USB1: variants seen among roughly 807,000 people sequenced by gnomAD.
USB1 encodes the protein U6 snRNA phosphodiesterase 1.
In USB1, 21 loss-of-function variants were observed where a neutral mutation model predicts 29.9. The observed-to-expected ratio is 0.70, with a 90% CI of 0.50 to 1.01. The LOEUF (loss-of-function observed/expected upper bound fraction) is 1.01. Among genes scored for constraint, USB1 ranks in the 50% least tolerant of loss-of-function variants. The probability of loss-of-function intolerance (pLI) is 0.00; values close to 1 mark genes in which losing one functional copy is unlikely to be tolerated. For synonymous variants in USB1, 143 were observed against 134.9 expected (o/e 1.06, Z -0.42); for missense variants, 330 against 347.1 (o/e 0.95, Z 0.39).
At position 58,020,633 on chromosome 16, in the gene USB1, TCTC is replaced by T; in HGVS notation, c.*392_*394del. 1 of 300,916 alleles carries T rather than the reference TCTC, an allele frequency of 3.3e-6. No individual in the cohort carries two copies. 18.6% of individuals were successfully genotyped at this position (300,916 alleles called of 1,614,324 possible). The stretch of plus-strand genomic sequence containing the variant: ...TCTCTCCTCCCCTCCTCTCTCTTCC[TCTC>T]CTCTCTCTCTTCCTCTCCTCTCTCT... On this transcript the variant is annotated 3_prime_UTR_variant, in exon 7 of 7. Transcript: ENST00000219281.
At chr16:58,011,078 T>C (rs867597492) in intron 3 of USB1, 1 of 902,974 alleles carries the variant, frequency 1.1e-6, no homozygotes, top group South Asian at 1.4e-5. Flanking sequence ...CCCAGGAAAT[T>C]CCAAAGGATT....
chr16:58,001,923 G>A (rs560437801), intron 1 of USB1, among the ~76,000 whole-genome samples: 5 of 152,288 alleles, frequency 3.3e-5, no homozygotes, highest in Admixed American at 1.3e-4. Flanking sequence ...TTGCTAAAGC[G>A]TAGGGAGAGC....
At position 58,021,380 on chromosome 16, in the gene USB1, T is replaced by G. The variant is rs1963735946; in HGVS notation, c.*1135T>G. 1.3e-5 allele frequency: 2 copies of G among 152,254 alleles called. No homozygotes were observed. The highest frequency in any genetic ancestry group is 2.9e-5 in the Non-Finnish European group (2 of 68,052). 9.4% of individuals were successfully genotyped at this position (152,254 alleles called of 1,614,324 possible). On this transcript the variant is annotated 3_prime_UTR_variant, in exon 7 of 7. Coordinates refer to ENST00000219281, the MANE Select transcript of USB1 (RefSeq NM_024598.4). Reference sequence around the variant, plus strand: ...CTTTCCCAGAGAGGCAGAGGGGCCTTCCACAGCCCGGGTTCTCCTGCTGCC... The same window carrying G: ...CTTTCCCAGAGAGGCAGAGGGGCCTGCCACAGCCCGGGTTCTCCTGCTGCC...
At chr16:58,019,992 A>G in intron 6 of USB1, 149 bp from the exon 7 acceptor site, 1 of 738,070 alleles carries the variant, frequency 1.4e-6, no homozygotes, top group Non-Finnish European at 2.4e-6. Context: ...TACAGAAGTG[A>G]TCAGACAAGA....
chr16:58,002,371 AC>A, intron 1 of USB1, 107 bp from the exon 2 acceptor site: 2 of 1,546,812 alleles, frequency 1.3e-6, no homozygotes, highest in Non-Finnish European at 1.8e-6. Flanking sequence ...GGCTGGAAAC[AC>A]ACACTCAGAG....
intron 3 of USB1, chr16:58,012,257 C>T: frequency 1.3e-6 from 2 of 1,534,228 alleles, no homozygotes; most frequent in Non-Finnish European, 1.7e-6. Flanking sequence ...CCAGCCCTCC[C>T]CCTCTTTGGA....
At chr16:58,017,467 T>C (rs746178212) in intron 5 of USB1, 28 bp downstream of exon 5, 19 of 1,585,806 alleles carry the variant, frequency 1.2e-5, no homozygotes, top group East Asian at 4.5e-5. Flanking sequence ...TGCTTCTCCA[T>C]TGACCCATTT....
intron 1 of USB1, 48 bp downstream of exon 1, chr16:58,001,629 A>G: frequency 6.4e-7 from 1 of 1,558,198 alleles, no homozygotes; most frequent in African/African-American, 1.4e-5. Flanking sequence ...TTCACCCTAG[A>G]GCCAGACGGG....
At chr16:58,004,719 T>A (rs1397409848) in intron 2 of USB1, among the ~76,000 whole-genome samples, 2 of 152,228 alleles carry the variant, frequency 1.3e-5, no homozygotes, top group East Asian at 3.8e-4. Flanking sequence ...CAATATTGAA[T>A]CTTTCTGTCT....
intron 2 of USB1, among the ~76,000 whole-genome samples, chr16:58,008,354 T>G (rs1963408400): frequency 6.6e-6 from 1 of 152,182 alleles, no homozygotes; most frequent in African/African-American, 2.4e-5. Flanking sequence ...TAATTTTAAT[T>G]ATTTCTTTAC....
chr16:58,017,994 T>C (rs1597055335), intron 5 of USB1, among the ~76,000 whole-genome samples: 1 of 152,174 alleles, frequency 6.6e-6, no homozygotes, highest in East Asian at 1.9e-4. Context: ...ATCTGAAAAG[T>C]ATGGTGTATA....
chr16:58,020,027 G>A lies in USB1; in HGVS notation c.694-114G>A, dbSNP rs12102539. 4,014 of 928,126 alleles carry A rather than the reference G, an allele frequency of 4.3e-3. 135 individuals carry two copies. The African/African-American group carries it at 0.057, about 13-fold the overall frequency. 57.5% of individuals were successfully genotyped at this position (928,126 alleles called of 1,614,324 possible). On this transcript the variant is annotated intron_variant, in intron 6 of 6. Transcript: ENST00000219281. ...ATCACCAATGCAGAGCCTGGAGCCT[G>A]CAGCCTCAGCCTCGCCCAGCCTCTG...
chr16:58,013,186 G>A lies in USB1; in HGVS notation c.450-1087G>A. ...CCTGGGCAGCCTGCCTCTGGAGTAG[G>A]GGTGGAGAGCCATCCTGCAACACGA... is the stretch of plus-strand genomic sequence containing the variant. On this transcript the variant is annotated intron_variant, in intron 3 of 6. Coordinates refer to ENST00000219281, the MANE Select transcript of USB1 (RefSeq NM_024598.4). This position sits in a 1 kb window ranked among gnomAD's most constrained non-coding sequence, Gnocchi z 4.3. 1 of 985,528 alleles carries A rather than the reference G, an allele frequency of 1.0e-6. No homozygotes were observed. Among genetic ancestry groups the A allele is most frequent in the Non-Finnish European group, 1.2e-6 (1 of 830,004 alleles). 61.0% of individuals were successfully genotyped at this position (985,528 alleles called of 1,614,324 possible). A position where few individuals can be genotyped will look rare whatever the true frequency, so the allele number is the denominator to read the frequency against.
rs1963535941 is a variant in USB1, at chr16:58,013,097, G to C, written c.450-1176G>C. On this transcript the variant is annotated intron_variant, in intron 3 of 6. Coordinates refer to ENST00000219281, the MANE Select transcript of USB1 (RefSeq NM_024598.4). The surrounding 1 kb of genome is among the most constrained non-coding windows in gnomAD (Gnocchi z 4.3). ...CTGGTTGAGCCTAAGGTGACCAAGA[G>C]TGGGCGGTGCACCCCTGATTCTGTT... 1.0e-6 allele frequency: 1 copy of C among 985,468 alleles called. No homozygotes were observed. 61.0% of individuals were successfully genotyped at this position (985,468 alleles called of 1,614,324 possible). A position where few individuals can be genotyped will look rare whatever the true frequency, so the allele number is the denominator to read the frequency against.
chr16:58,010,724 C>T, intron 3 of USB1: 1 of 421,094 alleles, frequency 2.4e-6, no homozygotes, highest in Non-Finnish European at 4.4e-6. Flanking sequence ...TTACAGGATA[C>T]ACATGAACAG....
At position 58,001,656 on chromosome 16, in the gene USB1, G is replaced by T. The variant is rs1963198197; in HGVS notation, c.98+75G>T. On this transcript the variant is annotated intron_variant, in intron 1 of 6. Transcript: ENST00000219281. ...CCAGACGGGACCCGAATGTCTGGGG[G>T]TGGAGTGGGGAGGGAGGATGCGGGG... The T allele has an allele frequency of 8.0e-6, 12 of 1,497,448 alleles. No homozygotes were observed. The East Asian group carries it at 2.9e-4, about 37-fold the overall frequency. 92.8% of individuals were successfully genotyped at this position (1,497,448 alleles called of 1,614,324 possible).
At chr16:58,011,230 A>T (rs1420765703) in intron 3 of USB1, 1 of 1,481,790 alleles carries the variant, frequency 6.7e-7, no homozygotes, top group Non-Finnish European at 8.9e-7. Context: ...CACATATGTT[A>T]TCATTTCACA....
At chr16:58,011,124 A>G (rs1482169556) in intron 3 of USB1, 1 of 1,224,396 alleles carries the variant, frequency 8.2e-7, no homozygotes, top group Non-Finnish European at 1.2e-6. Flanking sequence ...ATCACAGACC[A>G]GATAATAGAA....
At chr16:58,019,319 C>A (rs953233711) in intron 6 of USB1, among the ~76,000 whole-genome samples, 1 of 151,732 alleles carries the variant, frequency 6.6e-6, no homozygotes, top group Non-Finnish European at 1.5e-5. Context: ...TTAACAAGAT[C>A]TCTGGGGATT....
Sources: gnomAD v4.1 joint callset for allele counts (sites outside exome capture counted in the v4.1 genomes callset) on GRCh38, gnomAD v4.1.1 for gene constraint, Gnocchi (gnomAD v3.1) non-coding constraint, MANE v1.5 for transcripts, NCBI Gene and HGNC (gene_info 2026-07-23, HGNC 2026-07-21) for gene names.